Variants in GALNT13 observed in about 807,000 individuals in gnomAD.
GALNT13 encodes polypeptide N-acetylgalactosaminyltransferase 13.
Under a neutral mutation model 64.2 loss-of-function variants are expected in GALNT13, and 28 were observed. That is an observed-to-expected ratio of 0.44 (90% CI 0.32 to 0.60). The LOEUF (loss-of-function observed/expected upper bound fraction) is 0.60. GALNT13 is among the 20% of genes least tolerant of loss of function. The probability of loss-of-function intolerance (pLI) is 0.05; values close to 1 mark genes in which losing one functional copy is unlikely to be tolerated. For missense variants in GALNT13, 577 were observed against 669.8 expected, an observed-to-expected ratio of 0.86 and a Z score of 1.53; for synonymous variants, 214 against 224.6, an observed-to-expected ratio of 0.95 and a Z score of 0.42.
intron 3 of GALNT13, among the ~76,000 whole-genome samples, chr2:154,114,739 T>C (rs983846388): frequency 3.9e-5 from 6 of 152,206 alleles, no homozygotes; most frequent in African/African-American, 1.2e-4. Flanking sequence ...TCTGCTTATG[T>C]AAATTAAGGA....
At chr2:154,056,721 A>T (rs778241329) in intron 3 of GALNT13, among the ~76,000 whole-genome samples, 16 of 152,082 alleles carry the variant, frequency 1.1e-4, no homozygotes, top group Non-Finnish European at 2.4e-4. Context: ...TATGTTAGTA[A>T]CTCCAATTTG....
the GALNT13 span, among the ~76,000 whole-genome samples, chr2:153,225,659 T>C: frequency 1.3e-5 from 2 of 152,188 alleles, no homozygotes; most frequent in Non-Finnish European, 2.9e-5. Flanking sequence ...CAATATATAA[T>C]TGTTGCTTAA....
chr2:153,317,190 C>A, the GALNT13 span, among the ~76,000 whole-genome samples: 2 of 152,066 alleles, frequency 1.3e-5, no homozygotes, highest in Non-Finnish European at 2.9e-5. Context: ...CATGGTGTTG[C>A]TTTTGAGCTC....
At chr2:153,215,996 C>A in the GALNT13 span, among the ~76,000 whole-genome samples, 3 of 152,014 alleles carry the variant, frequency 2.0e-5, no homozygotes, top group South Asian at 6.2e-4. Flanking sequence ...CACTCATTTC[C>A]ACTCCAACCC....
At chr2:153,878,730 G>T (rs1686567147) in intron 1 of GALNT13, among the ~76,000 whole-genome samples, 1 of 152,152 alleles carries the variant, frequency 6.6e-6, no homozygotes, top group Non-Finnish European at 1.5e-5. Context: ...CAACTTGTAC[G>T]GGTCAGTTTG....
At chr2:153,923,543 T>C (rs1215617670) in intron 2 of GALNT13, among the ~76,000 whole-genome samples, 1 of 152,136 alleles carries the variant, frequency 6.6e-6, no homozygotes, top group African/African-American at 2.4e-5. Context: ...TGGTTGTTTT[T>C]ATTTTTTTTT....
the GALNT13 span, among the ~76,000 whole-genome samples, chr2:153,760,913 T>G: frequency 6.6e-6 from 1 of 152,206 alleles, no homozygotes; most frequent in South Asian, 2.1e-4. Flanking sequence ...TGTTCCAACG[T>G]TGGGTGTATT....
chr2:154,006,243 A>G (rs926300019), intron 3 of GALNT13, among the ~76,000 whole-genome samples: 4 of 152,188 alleles, frequency 2.6e-5, no homozygotes, highest in African/African-American at 9.7e-5. Flanking sequence ...TATGTGAATT[A>G]CTGATTGTTT....
chr2:154,323,551 A>G (rs1451058142), intron 9 of GALNT13, among the ~76,000 whole-genome samples: 2 of 152,242 alleles, frequency 1.3e-5, no homozygotes, highest in African/African-American at 2.4e-5. Flanking sequence ...TTGGATTAGC[A>G]TGAATGGCAT....
the GALNT13 span, among the ~76,000 whole-genome samples, chr2:153,453,461 A>G: frequency 6.6e-6 from 1 of 152,206 alleles, no homozygotes; most frequent in East Asian, 1.9e-4. Flanking sequence ...GGCAAAAGAT[A>G]TGAACAGACA....
chr2:154,023,230 C>A (rs1243747098), intron 3 of GALNT13, among the ~76,000 whole-genome samples: 1 of 152,250 alleles, frequency 6.6e-6, no homozygotes, highest in African/African-American at 2.4e-5. Flanking sequence ...GAGCTGAGTT[C>A]AATTCCTGGG....
At position 153,998,101 on chromosome 2, in the gene GALNT13, C is replaced by T. The variant is rs192601476; in HGVS notation, c.142+53462C>T. Among the ~76,000 whole-genome samples the T allele has an allele frequency of 2.4e-3, 368 of 152,174 alleles. 8 individuals carry two copies. The East Asian group carries it at 0.055, about 23-fold the overall frequency. ...CTATTGTGAACAGTGTCTCAATAAA[C>T]ATATGTGTGCATGTGTCTTTATAGT... On this transcript the variant is annotated intron_variant, in intron 3 of 12. Transcript: ENST00000392825.
At chr2:153,738,959 A>G in the GALNT13 span, among the ~76,000 whole-genome samples, 1 of 151,898 alleles carries the variant, frequency 6.6e-6, no homozygotes, top group East Asian at 1.9e-4. Context: ...AGCTTCTACC[A>G]TTAGCACTTT....
the GALNT13 span, among the ~76,000 whole-genome samples, chr2:153,813,892 C>T: frequency 6.6e-6 from 1 of 152,190 alleles, no homozygotes; most frequent in Non-Finnish European, 1.5e-5. Flanking sequence ...GGGGATCACT[C>T]GCTCAGCCAA....
intron 2 of GALNT13, among the ~76,000 whole-genome samples, chr2:153,937,995 G>T (rs1037592658): frequency 7.9e-5 from 12 of 152,132 alleles, no homozygotes; most frequent in African/African-American, 2.9e-4. Context: ...TTACATTAAG[G>T]GTGAGTAGAT....
the GALNT13 span, among the ~76,000 whole-genome samples, chr2:153,102,141 G>C: frequency 1.7e-4 from 26 of 151,984 alleles, no homozygotes; most frequent in African/African-American, 6.3e-4. Flanking sequence ...TGTGTCTCTT[G>C]GGAACTCTGT....
At chr2:154,087,822 G>T (rs1701609389) in intron 3 of GALNT13, among the ~76,000 whole-genome samples, 2 of 149,602 alleles carry the variant, frequency 1.3e-5, no homozygotes, top group South Asian at 4.2e-4. Flanking sequence ...AATATAAGTG[G>T]GAAGCTCACA....
the GALNT13 span, among the ~76,000 whole-genome samples, chr2:153,380,912 G>C: frequency 6.6e-6 from 1 of 151,732 alleles, no homozygotes; most frequent in African/African-American, 2.4e-5. Context: ...AGTCAATTTG[G>C]GGTTTTTTTG....
chr2:153,720,655 A>C, the GALNT13 span, among the ~76,000 whole-genome samples: 8 of 151,620 alleles, frequency 5.3e-5, no homozygotes, highest in African/African-American at 1.9e-4. Flanking sequence ...CGAGAACTAC[A>C]TGAAGAATGC....
Sources: allele counts gnomAD v4.1 joint callset (sites outside exome capture counted in the v4.1 genomes callset), GRCh38; gene constraint gnomAD v4.1.1; transcripts MANE v1.5; gene names NCBI Gene and HGNC (gene_info 2026-07-23, HGNC 2026-07-21).